The following AK9 variants were observed in gnomAD, a reference collection of about 807,000 sequenced individuals.
AK9 encodes the protein adenylate kinase domain containing 1.
In AK9, 191 loss-of-function variants were observed where a neutral mutation model predicts 239.6. The ratio of observed to expected loss-of-function variants is 0.80; its 90% CI spans 0.71 to 0.90. The LOEUF is 0.90. Among genes scored for constraint, AK9 ranks in the 40% least tolerant of loss-of-function variants. AK9 has a pLI of 0.00. For missense variants in AK9, 1,995 were observed against 2,214.7 expected, an observed-to-expected ratio of 0.90 and a Z score of 1.99; for synonymous variants, 689 against 721.0, an observed-to-expected ratio of 0.96 and a Z score of 0.71.
At position 109,644,349 on chromosome 6, in the gene AK9, T is replaced by C. The variant is rs549286758; in HGVS notation, c.834+265A>G. On this transcript the variant is annotated intron_variant, in intron 9 of 40. Coordinates refer to ENST00000424296, the MANE Select transcript of AK9 (RefSeq NM_001145128.3). ...CCCTAATGACTAATGATGTTCAGCA[T>C]CTTCTCATGTGCTTTTGGTTACCAT... Among the ~76,000 whole-genome samples, 6 of 152,356 alleles carry C rather than the reference T, an allele frequency of 3.9e-5. No individual in the cohort carries two copies. The South Asian group carries it at 1.2e-3, about 32-fold the overall frequency.
chr6:109,664,756 C>T (rs1212077182), intron 5 of AK9, among the ~76,000 whole-genome samples: 1 of 151,530 alleles, frequency 6.6e-6, no homozygotes, highest in African/African-American at 2.4e-5. Flanking sequence ...AAGATCAGGC[C>T]AGGTGCGGTG....
chr6:109,652,394 G>C (rs1049075359), intron 8 of AK9, among the ~76,000 whole-genome samples: 1 of 152,154 alleles, frequency 6.6e-6, no homozygotes, highest in Non-Finnish European at 1.5e-5. Context: ...GGTATTGATG[G>C]GATGCATCTC....
In AK9 at chr6:109,493,165, A is replaced by G; in HGVS notation, c.*204T>C. 2.1e-6 allele frequency: 1 copy of G among 474,476 alleles called. No homozygotes were observed. The highest frequency in any genetic ancestry group is 3.9e-5 in the South Asian group (1 of 25,364). The allele number at this position is 474,476 out of a possible 1,614,324, so 29.4% of individuals were successfully genotyped here. A position where few individuals can be genotyped will look rare whatever the true frequency, so the allele number is the denominator to read the frequency against. On this transcript the variant is annotated 3_prime_UTR_variant, in exon 41 of 41. Transcript: ENST00000424296. ...TTCAGGCAAAGAGCAATACATTTTA[A>G]AATTGTATTAAAACTTGTTTCCATA...
chr6:109,542,522 A>G (rs1247516292), intron 26 of AK9, among the ~76,000 whole-genome samples: 1 of 152,222 alleles, frequency 6.6e-6, no homozygotes, highest in Non-Finnish European at 1.5e-5. Flanking sequence ...TGGATATCAT[A>G]AATACCCTGA....
At chr6:109,510,100 G>A (rs994623317) in intron 32 of AK9, among the ~76,000 whole-genome samples, 1 of 152,038 alleles carries the variant, frequency 6.6e-6, no homozygotes, top group African/African-American at 2.4e-5. Context: ...CTTCAGGCCA[G>A]GGAGGGCCTG....
In AK9 at chr6:109,542,121, T is replaced by G. The variant is rs1443282848; in HGVS notation, c.3276A>C (p.Leu1092=). 1 of 1,608,532 alleles carries G rather than the reference T, an allele frequency of 6.2e-7. No homozygotes were observed. Among genetic ancestry groups the G allele is most frequent in the Admixed American group, 1.7e-5 (1 of 59,392 alleles). The change falls in exon 27 of 41, where the codon CTA becomes CTC. Residue 1092 remains leucine (L), a synonymous_variant. Transcript: ENST00000424296. ...CAGGAGGCAAGGGCTCATTTTCCATTAGACTTGATTTGATTACTTCTTCTT... is the reference window on the plus strand; with the variant it reads ...CAGGAGGCAAGGGCTCATTTTCCATGAGACTTGATTTGATTACTTCTTCTT... The part of the protein sequence containing the change: ...TEEEEVIKSS[L]MENEPLPPEI...
chr6:109,623,684 T>C (rs1795132856), intron 12 of AK9, among the ~76,000 whole-genome samples: 1 of 152,174 alleles, frequency 6.6e-6, no homozygotes, highest in Non-Finnish European at 1.5e-5. Context: ...TATGCAGTAA[T>C]AAATGAGAAA....
At chr6:109,602,887 G>A (rs573052947) in intron 17 of AK9, among the ~76,000 whole-genome samples, 8 of 151,974 alleles carry the variant, frequency 5.3e-5, no homozygotes, top group Admixed American at 2.0e-4. Flanking sequence ...TTGTGTATTC[G>A]TCACGTAGTT....
At chr6:109,583,196 T>C (rs1789078021) in intron 19 of AK9, among the ~76,000 whole-genome samples, 1 of 152,122 alleles carries the variant, frequency 6.6e-6, no homozygotes, top group African/African-American at 2.4e-5. Context: ...CTTTGTGACA[T>C]CTTCCTTATC....
At chr6:109,559,109 C>T (rs1785384386) in intron 24 of AK9, among the ~76,000 whole-genome samples, 1 of 151,568 alleles carries the variant, frequency 6.6e-6, no homozygotes, top group South Asian at 2.1e-4. Flanking sequence ...GACTCGGCCT[C>T]CCAAAGTGCT....
At chr6:109,536,560 T>C (rs181342175) in intron 27 of AK9, among the ~76,000 whole-genome samples, 85 of 152,330 alleles carry the variant, frequency 5.6e-4, no homozygotes, top group African/African-American at 1.9e-3. Context: ...CAGGGACAAT[T>C]TGACTTCCTC....
intron 8 of AK9, among the ~76,000 whole-genome samples, chr6:109,655,824 T>C (rs1799623800): frequency 6.6e-6 from 1 of 152,206 alleles, no homozygotes; most frequent in South Asian, 2.1e-4. Flanking sequence ...ATGTTATTGA[T>C]AGTCGTGTAC....
intron 35 of AK9, among the ~76,000 whole-genome samples, chr6:109,500,797 C>T (rs185938041): frequency 3.1e-4 from 47 of 152,226 alleles, no homozygotes; most frequent in African/African-American, 8.7e-4. Context: ...GTGGGTAGAT[C>T]GCTTGAGTCC....
At chr6:109,653,030 G>C (rs1435528565) in intron 8 of AK9, among the ~76,000 whole-genome samples, 3 of 152,014 alleles carry the variant, frequency 2.0e-5, no homozygotes, top group African/African-American at 4.8e-5. Context: ...GGGTTCAAGT[G>C]AGTCTCCTGC....
intron 19 of AK9, among the ~76,000 whole-genome samples, chr6:109,581,779 T>A (rs1210140973): frequency 6.6e-6 from 1 of 152,160 alleles, no homozygotes; most frequent in African/African-American, 2.4e-5. Context: ...ACAACAGATT[T>A]TTCAATGTCA....
rs1554276574 is a variant in AK9, at chr6:109,632,888, T to TAGAC, written c.1254+34_1254+35insGTCT. The TAGAC allele has an allele frequency of 2.5e-6, 4 of 1,593,382 alleles. No individual in the cohort carries two copies. In the South Asian group the frequency reaches 4.5e-5, roughly 18 times the overall value. ...ATAGATAGATAGATAGATAGATAGA[T>TAGAC]AGATAGATAGATAGACAGATAGTTA... On this transcript the variant is annotated intron_variant, in intron 12 of 40. Transcript: ENST00000424296.
At chr6:109,622,162 AT>A (rs1362616165) in intron 12 of AK9, among the ~76,000 whole-genome samples, 2 of 145,808 alleles carry the variant, frequency 1.4e-5, no homozygotes, top group East Asian at 3.9e-4. Context: ...TATAATATAC[AT>A]TTTTATATAT....
At chr6:109,522,397 A>G (rs1448080080) in intron 29 of AK9, among the ~76,000 whole-genome samples, 1 of 151,944 alleles carries the variant, frequency 6.6e-6, no homozygotes, top group Non-Finnish European at 1.5e-5. Context: ...ATTGTTTGAA[A>G]TGCATATTGG....
intron 8 of AK9, among the ~76,000 whole-genome samples, chr6:109,644,948 G>A (rs1205322484): frequency 4.6e-5 from 7 of 152,072 alleles, no homozygotes; most frequent in Non-Finnish European, 1.0e-4. Flanking sequence ...AATACAAAAT[G>A]TTTTGGGGCA....
Sources: allele counts gnomAD v4.1 joint callset (sites outside exome capture counted in the v4.1 genomes callset), GRCh38; gene constraint gnomAD v4.1.1; transcripts MANE v1.5; gene names NCBI Gene and HGNC (gene_info 2026-07-23, HGNC 2026-07-21).